Variants in MBD2 observed in about 807,000 individuals in gnomAD.
MBD2 encodes the protein methyl-CpG binding domain protein 2, also known as methyl-CpG-binding domain protein 2.
MBD2 carries 9 observed loss-of-function variants against 39.3 expected under a neutral mutation model. That is an observed-to-expected ratio of 0.23 (90% CI 0.14 to 0.40). The LOEUF (loss-of-function observed/expected upper bound fraction) is 0.40, where lower values mean the gene tolerates loss of function less well. Ranked by LOEUF, MBD2 falls within the 10% of genes least tolerant of loss-of-function variation. The probability of loss-of-function intolerance (pLI) is 1.00; values close to 1 mark genes in which losing one functional copy is unlikely to be tolerated. For synonymous variants in MBD2, 233 were observed against 211.1 expected (o/e 1.10, Z -0.90); for missense variants, 458 against 532.6 (o/e 0.86, Z 1.38).
intron 1 of MBD2, among the ~76,000 whole-genome samples, chr18:54,219,925 C>T (rs1185233678): frequency 1.3e-5 from 2 of 152,182 alleles, no homozygotes; most frequent in Non-Finnish European, 2.9e-5. Flanking sequence ...CTCAGCCTCC[C>T]GAGTAGCTGG....
chr18:54,211,092 C>G (rs1023040261), intron 1 of MBD2, among the ~76,000 whole-genome samples: 1 of 151,352 alleles, frequency 6.6e-6, no homozygotes, highest in Non-Finnish European at 1.5e-5. Flanking sequence ...GGGATGGTCT[C>G]GATCTCCTGA....
rs374119531 is a variant in MBD2, at chr18:54,208,054, A to C, written c.543-2897T>G. On this transcript the variant is annotated intron_variant, in intron 1 of 6. Coordinates refer to ENST00000256429, the MANE Select transcript of MBD2 (RefSeq NM_003927.5). Reference sequence around the variant, plus strand: ...GTCTGTCTCAAAAAACAACAACAAAAAACAACAACAACAACAAAAAGCTGC... The same window carrying C: ...GTCTGTCTCAAAAAACAACAACAAACAACAACAACAACAACAAAAAGCTGC... Among the ~76,000 whole-genome samples the C allele has an allele frequency of 8.0e-4, 121 of 151,756 alleles. 3 individuals are homozygous for C. In the Middle Eastern group the frequency reaches 0.01, roughly 13 times the overall value.
intron 2 of MBD2, among the ~76,000 whole-genome samples, chr18:54,192,821 T>TA (rs4987186): frequency 6.6e-6 from 1 of 151,848 alleles, no homozygotes; most frequent in Admixed American, 6.6e-5. Flanking sequence ...TTCTGTGCAA[T>TA]AAAAAAAAAT....
chr18:54,159,147 C>T (rs2086076075), intron 6 of MBD2, among the ~76,000 whole-genome samples: 1 of 152,128 alleles, frequency 6.6e-6, no homozygotes, highest in Admixed American at 6.5e-5. Flanking sequence ...CCCTACATGA[C>T]AAAGTCCTTT....
At chr18:54,187,962 G>A in intron 3 of MBD2, 1 of 537,314 alleles carries the variant, frequency 1.9e-6, no homozygotes, top group Non-Finnish European at 2.4e-6. Context: ...ACACTTGAAG[G>A]ACTAGTGAAA....
chr18:54,173,781 C>G (rs2086193703), intron 3 of MBD2, among the ~76,000 whole-genome samples: 1 of 152,138 alleles, frequency 6.6e-6, no homozygotes, highest in African/African-American at 2.4e-5. Flanking sequence ...AATGAGGAAA[C>G]CAGTATCACG....
intron 3 of MBD2, chr18:54,187,868 G>A: frequency 1.0e-6 from 1 of 985,618 alleles, no homozygotes; most frequent in Non-Finnish European, 1.2e-6. Context: ...CAGAGGATGT[G>A]GGAACTGAAT....
intron 1 of MBD2, among the ~76,000 whole-genome samples, chr18:54,213,862 G>A (rs749112017): frequency 2.2e-4 from 34 of 152,050 alleles, no homozygotes; most frequent in Non-Finnish European, 4.3e-4. Context: ...ATGTGTGTGT[G>A]TATACACATA....
At chr18:54,157,259 AATG>A (rs2086058891) in intron 6 of MBD2, among the ~76,000 whole-genome samples, 1 of 151,874 alleles carries the variant, frequency 6.6e-6, no homozygotes, top group East Asian at 1.9e-4. Flanking sequence ...ACTGGATTGA[AATG>A]ATTTTTTTTT....
intron 3 of MBD2, among the ~76,000 whole-genome samples, chr18:54,167,805 T>C (rs544966061): frequency 2.6e-5 from 4 of 152,170 alleles, no homozygotes; most frequent in Non-Finnish European, 5.9e-5. Context: ...GATATAAATA[T>C]ATTAATCATC....
chr18:54,205,298 G>A (rs942233589), intron 1 of MBD2, 141 bp from the exon 2 acceptor site: 7 of 789,254 alleles, frequency 8.9e-6, no homozygotes, highest in Middle Eastern at 2.7e-4. Context: ...TTTGCTAGGC[G>A]CGATGGCTCA....
chr18:54,179,441 A>C (rs2086234031), intron 3 of MBD2, among the ~76,000 whole-genome samples: 1 of 152,226 alleles, frequency 6.6e-6, no homozygotes, highest in African/African-American at 2.4e-5. Context: ...TCAATCATGA[A>C]TATAAAGGCA....
chr18:54,180,797 A>T (rs192661540), intron 3 of MBD2, among the ~76,000 whole-genome samples: 2 of 152,026 alleles, frequency 1.3e-5, no homozygotes, highest in Admixed American at 6.5e-5. Context: ...AAGTTCACAG[A>T]TCCTCCCTCA....
intron 3 of MBD2, 128 bp from the exon 4 acceptor site, chr18:54,166,294 A>G (rs2086131734): frequency 3.1e-6 from 2 of 634,942 alleles, no homozygotes; most frequent in East Asian, 2.7e-5. Context: ...TTTTCCTTAT[A>G]AAAAGCTAAA....
Position 54,196,213 on chromosome 18 carries a change from G to T in MBD2, c.703-7202C>A, listed in dbSNP as rs146920570. ...GATGTCTATGCAGAAAATCCACTTA[G>T]TCTAATATTCTATATGGGTAACAAG... is the stretch of plus-strand genomic sequence containing the variant. On this transcript the variant is annotated intron_variant, in intron 2 of 6. Coordinates refer to ENST00000256429, the MANE Select transcript of MBD2 (RefSeq NM_003927.5). Among the ~76,000 whole-genome samples, 22 of 152,216 alleles carry T rather than the reference G, an allele frequency of 1.4e-4. No homozygotes were observed. In the East Asian group the frequency reaches 4.2e-3, roughly 29 times the overall value.
At chr18:54,185,428 A>C (rs1420989615) in intron 3 of MBD2, among the ~76,000 whole-genome samples, 1 of 152,192 alleles carries the variant, frequency 6.6e-6, no homozygotes, top group East Asian at 1.9e-4. Context: ...TCTAATAATT[A>C]AAAGGAAGAA....
intron 2 of MBD2, among the ~76,000 whole-genome samples, chr18:54,189,650 G>C (rs1179008712): frequency 6.6e-6 from 1 of 151,958 alleles, no homozygotes; most frequent in African/African-American, 2.4e-5. Context: ...AGAACTTGGG[G>C]TTTTGCTTGT....
intron 1 of MBD2, among the ~76,000 whole-genome samples, chr18:54,218,783 A>C (rs2086583845): frequency 6.6e-6 from 1 of 152,154 alleles, no homozygotes; most frequent in Non-Finnish European, 1.5e-5. Context: ...CAACATGGTG[A>C]AACTCCGTCT....
chr18:54,191,496 C>T (rs59752796), intron 2 of MBD2, among the ~76,000 whole-genome samples: 327 of 152,318 alleles, frequency 2.1e-3, no homozygotes, highest in African/African-American at 7.4e-3. Flanking sequence ...TCTAGAAATA[C>T]TGGACTTGGT....
Sources: allele counts gnomAD v4.1 joint callset (sites outside exome capture counted in the v4.1 genomes callset), GRCh38; gene constraint gnomAD v4.1.1; transcripts MANE v1.5; gene names NCBI Gene and HGNC (gene_info 2026-07-23, HGNC 2026-07-21).